The following TCERG1L variants were observed in gnomAD, a reference collection of about 807,000 sequenced individuals.
TCERG1L encodes transcription elongation regulator 1-like protein.
A neutral mutation model predicts 56.3 loss-of-function variants in TCERG1L; 37 were observed. The ratio of observed to expected loss-of-function variants is 0.66; its 90% confidence interval spans 0.51 to 0.87. TCERG1L has a LOEUF of 0.87. TCERG1L is among the 40% of genes least tolerant of loss of function. The pLI, the probability that TCERG1L is intolerant of heterozygous loss-of-function variation, is 0.00. For synonymous variants in TCERG1L, 324 were observed against 326.3 expected, an observed-to-expected ratio of 0.99 and a Z score of 0.08; for missense variants, 799 against 774.2, an observed-to-expected ratio of 1.03 and a Z score of -0.38.
At chr10:131,178,164 C>T (rs1054995029) in intron 4 of TCERG1L, among the ~76,000 whole-genome samples, 1 of 152,136 alleles carries the variant, frequency 6.6e-6, no homozygotes, top group Admixed American at 6.5e-5. Context: ...GGAGGCACCA[C>T]GTGAGGCCCT....
rs569362284 is a variant in TCERG1L, at chr10:131,248,205, A to G, written c.856+12054T>C. ...ACACACACAAACACACACTACTCAC[A>G]CACAACTCTCTCACACACAACTCAC... On this transcript the variant is annotated intron_variant, in intron 4 of 11. Transcript: ENST00000368642. Among the ~76,000 whole-genome samples the G allele has an allele frequency of 2.1e-4, 31 of 150,258 alleles. No individual in the cohort carries two copies. The East Asian group carries it at 5.5e-3, about 27-fold the overall frequency.
chr10:131,288,293 C>A (rs572756162), intron 3 of TCERG1L, among the ~76,000 whole-genome samples: 3 of 152,322 alleles, frequency 2.0e-5, no homozygotes, highest in African/African-American at 4.8e-5. Flanking sequence ...CAGTCGGAAC[C>A]GGGCACCCAA....
intron 3 of TCERG1L, among the ~76,000 whole-genome samples, chr10:131,295,988 T>C (rs755756220): frequency 1.7e-4 from 26 of 152,228 alleles, no homozygotes; most frequent in Non-Finnish European, 3.2e-4. Flanking sequence ...TTTTGAAGGT[T>C]CTTTGTATTC....
chr10:131,195,179 G>A (rs980715780), intron 4 of TCERG1L, among the ~76,000 whole-genome samples: 2 of 152,210 alleles, frequency 1.3e-5, no homozygotes, highest in African/African-American at 4.8e-5. Context: ...AAGAAATGGA[G>A]CATGACATGA....
At chr10:131,150,196 G>T (rs1304065747) in intron 6 of TCERG1L, among the ~76,000 whole-genome samples, 2 of 16,584 alleles carry the variant, frequency 1.2e-4, no homozygotes, top group Middle Eastern at 0.045. Context: ...GGGTACAGCA[G>T]ATGGACCTGT....
At chr10:131,282,498 G>T (rs1846470968) in intron 3 of TCERG1L, among the ~76,000 whole-genome samples, 2 of 152,124 alleles carry the variant, frequency 1.3e-5, no homozygotes, top group South Asian at 4.1e-4. Context: ...AGGAAGACAA[G>T]ACCTCCCTCT....
At chr10:131,198,537 G>A (rs562118125) in intron 4 of TCERG1L, among the ~76,000 whole-genome samples, 4 of 152,368 alleles carry the variant, frequency 2.6e-5, no homozygotes, top group African/African-American at 9.6e-5. Flanking sequence ...ACCGTCCGGA[G>A]GCTGGGAAGC....
intron 4 of TCERG1L, among the ~76,000 whole-genome samples, chr10:131,224,365 C>A (rs907097678): frequency 2.6e-5 from 4 of 151,998 alleles, no homozygotes; most frequent in African/African-American, 9.7e-5. Flanking sequence ...TCTGCTGCCT[C>A]CTGCACTCTG....
At position 131,245,585 on chromosome 10, in the gene TCERG1L, T is replaced by C. The variant is rs114930619; in HGVS notation, c.856+14674A>G. On this transcript the variant is annotated intron_variant, in intron 4 of 11. Coordinates refer to ENST00000368642, the MANE Select transcript of TCERG1L (RefSeq NM_174937.4). ...ATATGACCAAGCCCGCAGCTCACGG[T>C]CCTCCCTGGGAAACTACGTGTCCTG... is the stretch of plus-strand genomic sequence containing the variant. Among the ~76,000 whole-genome samples, 584 of 152,172 alleles carry C rather than the reference T, an allele frequency of 3.8e-3. 5 individuals carry two copies. Among genetic ancestry groups the C allele is most frequent in the African/African-American group, 0.013 (554 of 41,510 alleles).
intron 4 of TCERG1L, among the ~76,000 whole-genome samples, chr10:131,186,007 G>T (rs935777218): frequency 6.6e-6 from 1 of 152,228 alleles, no homozygotes; most frequent in African/African-American, 2.4e-5. Context: ...CTATCCAAGC[G>T]ACGGAACATT....
intron 4 of TCERG1L, among the ~76,000 whole-genome samples, chr10:131,257,607 T>C (rs1846186428): frequency 6.6e-6 from 1 of 152,134 alleles, no homozygotes; most frequent in African/African-American, 2.4e-5. Flanking sequence ...AAACCCAGGT[T>C]TCTCCACAGA....
intron 4 of TCERG1L, among the ~76,000 whole-genome samples, chr10:131,208,925 G>T (rs1845582213): frequency 6.6e-6 from 1 of 152,136 alleles, no homozygotes. Context: ...AGGCGTGGTG[G>T]CAGGCGCCTG....
At chr10:131,211,222 A>C (rs1845615687) in intron 4 of TCERG1L, among the ~76,000 whole-genome samples, 1 of 152,216 alleles carries the variant, frequency 6.6e-6, no homozygotes, top group Admixed American at 6.5e-5. Context: ...AAGTGCAAGA[A>C]ATAGGCCAGC....
At chr10:131,269,584 A>G (rs1009021344) in intron 3 of TCERG1L, among the ~76,000 whole-genome samples, 1 of 152,222 alleles carries the variant, frequency 6.6e-6, no homozygotes, top group Non-Finnish European at 1.5e-5. Context: ...GAGCAGTTAG[A>G]ACACACAGGA....
chr10:131,261,561 T>A (rs918059774), intron 3 of TCERG1L, among the ~76,000 whole-genome samples: 2 of 152,210 alleles, frequency 1.3e-5, no homozygotes, highest in African/African-American at 4.8e-5. Context: ...CGAGGTCTCA[T>A]GATACAGTAG....
At chr10:131,136,019 G>A (rs551097526) in intron 7 of TCERG1L, among the ~76,000 whole-genome samples, 218 of 152,284 alleles carry the variant, frequency 1.4e-3, no homozygotes, top group Non-Finnish European at 2.6e-3. Flanking sequence ...CCCTGAAGGC[G>A]TCTCTCAGCC....
chr10:131,104,407 A>G, intron 9 of TCERG1L, 53 bp from the exon 10 acceptor site: 1 of 1,234,302 alleles, frequency 8.1e-7, no homozygotes, highest in Non-Finnish European at 1.2e-6. Context: ...CTAAGCCTGA[A>G]GCCGCCCTGA....
chr10:131,110,184 G>C (rs118102487), intron 9 of TCERG1L, among the ~76,000 whole-genome samples: 1 of 152,182 alleles, frequency 6.6e-6, no homozygotes, highest in South Asian at 2.1e-4. Context: ...GACGTGGTCT[G>C]GAGAACCCAA....
rs115137263 is a variant in TCERG1L, at chr10:131,174,866, C to T, written c.857-7981G>A. ...TCAGCCCGATCATGAGAATTTGCCT[C>T]ATCATGGGACTCCACCCCTGCAACC... On this transcript the variant is annotated intron_variant, in intron 4 of 11. Transcript: ENST00000368642. Among the ~76,000 whole-genome samples, 337 of 144,974 alleles carry T rather than the reference C, an allele frequency of 2.3e-3. 1 individual carries two copies. The highest frequency in any genetic ancestry group is 7.8e-3 in the African/African-American group (307 of 39,228).
Sources: allele counts gnomAD v4.1 joint callset (sites outside exome capture counted in the v4.1 genomes callset), GRCh38; gene constraint gnomAD v4.1.1; transcripts MANE v1.5; gene names NCBI Gene and HGNC (gene_info 2026-07-23, HGNC 2026-07-21).